Variants in BICC1 observed in about 807,000 individuals in gnomAD.
BICC1 encodes protein bicaudal C homolog 1.
A neutral mutation model predicts 111.0 loss-of-function variants in BICC1; 43 were observed. That is an observed-to-expected ratio of 0.39 (90% CI 0.30 to 0.50). BICC1 has a LOEUF of 0.50. BICC1 is among the 20% of genes least tolerant of loss of function. The pLI is 0.88. For missense variants in BICC1, 1,091 were observed against 1,203.2 expected, an observed-to-expected ratio of 0.91 and a Z score of 1.38; for synonymous variants, 467 against 434.4, an observed-to-expected ratio of 1.07 and a Z score of -0.93.
chr10:58,652,095 C>A (rs904698263), intron 2 of BICC1, among the ~76,000 whole-genome samples: 4 of 152,084 alleles, frequency 2.6e-5, no homozygotes, highest in African/African-American at 9.7e-5. Context: ...TACTGAGAAG[C>A]AAGAGACCTA....
chr10:58,774,389 A>G (rs1842696355), intron 3 of BICC1, among the ~76,000 whole-genome samples: 1 of 152,240 alleles, frequency 6.6e-6, no homozygotes, highest in Admixed American at 6.5e-5. Flanking sequence ...GTACTGGGGA[A>G]AACAGGAAGT....
At chr10:58,550,177 C>G (rs1035863552) in intron 1 of BICC1, among the ~76,000 whole-genome samples, 1 of 151,974 alleles carries the variant, frequency 6.6e-6, no homozygotes, top group African/African-American at 2.4e-5. Context: ...CCATACTCTA[C>G]TAATATTTTA....
At chr10:58,655,002 G>C (rs995719850) in intron 2 of BICC1, among the ~76,000 whole-genome samples, 1 of 145,156 alleles carries the variant, frequency 6.9e-6, no homozygotes, top group Non-Finnish European at 1.5e-5. Context: ...TAGATATGCG[G>C]CATTATTTCT....
chr10:58,755,106 T>C (rs1313051473), intron 3 of BICC1, among the ~76,000 whole-genome samples: 1 of 148,288 alleles, frequency 6.7e-6, no homozygotes, highest in Non-Finnish European at 1.5e-5. Context: ...CTGTGTCAGA[T>C]CACAGGATTT....
chr10:58,715,029 C>G (rs1840694129), intron 3 of BICC1, among the ~76,000 whole-genome samples: 2 of 151,414 alleles, frequency 1.3e-5, no homozygotes, highest in African/African-American at 2.4e-5. Flanking sequence ...GATCTAACCA[C>G]TGCACTGCAG....
intron 3 of BICC1, among the ~76,000 whole-genome samples, chr10:58,721,100 G>A (rs192276511): frequency 1.4e-4 from 21 of 152,310 alleles, no homozygotes; most frequent in Admixed American, 5.2e-4. Context: ...ACTCAGTGAA[G>A]GGCTGGAGTC....
intron 2 of BICC1, among the ~76,000 whole-genome samples, chr10:58,694,565 C>T (rs144605314): frequency 6.6e-6 from 1 of 152,168 alleles, no homozygotes; most frequent in Non-Finnish European, 1.5e-5. Context: ...CTTTGTAAAG[C>T]GTGGACTATC....
At chr10:58,791,347 A>G (rs1843170526) in intron 8 of BICC1, among the ~76,000 whole-genome samples, 1 of 152,200 alleles carries the variant, frequency 6.6e-6, no homozygotes, top group African/African-American at 2.4e-5. Flanking sequence ...AATGACTCAT[A>G]TTATTGCACA....
At chr10:58,629,880 G>T (rs961221201) in intron 2 of BICC1, among the ~76,000 whole-genome samples, 2 of 152,072 alleles carry the variant, frequency 1.3e-5, no homozygotes, top group Non-Finnish European at 2.9e-5. Flanking sequence ...TAACCTTTAG[G>T]CACTGTTATT....
intron 1 of BICC1, among the ~76,000 whole-genome samples, chr10:58,586,732 C>T (rs930041151): frequency 6.6e-6 from 1 of 151,956 alleles, no homozygotes; most frequent in Non-Finnish European, 1.5e-5. Flanking sequence ...CATATACATG[C>T]AAATGAATAT....
At chr10:58,749,734 A>T (rs571447474) in intron 3 of BICC1, among the ~76,000 whole-genome samples, 83 of 152,296 alleles carry the variant, frequency 5.4e-4, no homozygotes, top group Middle Eastern at 6.8e-3. Flanking sequence ...CCCTTAGTTG[A>T]ATAAATCAAG....
At chr10:58,791,464 G>A (rs574612586) in intron 8 of BICC1, among the ~76,000 whole-genome samples, 16 of 152,224 alleles carry the variant, frequency 1.1e-4, no homozygotes, top group Middle Eastern at 3.4e-3. Context: ...CTGGCTGGGC[G>A]CGGTGGCTTA....
chr10:58,581,835 T>TA (rs951015110), intron 1 of BICC1, among the ~76,000 whole-genome samples: 1 of 151,968 alleles, frequency 6.6e-6, no homozygotes, highest in Non-Finnish European at 1.5e-5. Flanking sequence ...TTCAGAAGAT[T>TA]AAAAAAAATA....
intron 1 of BICC1, among the ~76,000 whole-genome samples, chr10:58,612,310 A>G (rs560456550): frequency 1.4e-4 from 22 of 152,328 alleles, no homozygotes; most frequent in African/African-American, 5.1e-4. Flanking sequence ...CTGGGAATGT[A>G]TAGAAACTGC....
intron 1 of BICC1, among the ~76,000 whole-genome samples, chr10:58,584,167 A>G (rs1844367596): frequency 6.6e-6 from 1 of 152,072 alleles, no homozygotes; most frequent in South Asian, 2.1e-4. Context: ...AGAATGTAGC[A>G]TATTTCTTAA....
chr10:58,800,091 T>C (rs1843492042), intron 12 of BICC1, 103 bp from the exon 13 acceptor site: 3 of 778,748 alleles, frequency 3.9e-6, no homozygotes, highest in Non-Finnish European at 6.1e-6. Flanking sequence ...TATTCCAGGG[T>C]GGTTTTCTTT....
At chr10:58,791,302 T>C (rs1408230235) in intron 8 of BICC1, among the ~76,000 whole-genome samples, 1 of 152,242 alleles carries the variant, frequency 6.6e-6, no homozygotes, top group Non-Finnish European at 1.5e-5. Context: ...CAGTTATTAA[T>C]GCACATTTAT....
intron 2 of BICC1, among the ~76,000 whole-genome samples, chr10:58,621,967 A>AAC (rs1845831514): frequency 6.4e-5 from 5 of 77,806 alleles, no homozygotes; most frequent in Admixed American, 2.8e-4. Flanking sequence ...AATAGAATAG[A>AAC]ATAATCCAGC....
intron 3 of BICC1, among the ~76,000 whole-genome samples, chr10:58,746,313 C>T (rs1841836637): frequency 6.6e-6 from 1 of 152,076 alleles, no homozygotes; most frequent in South Asian, 2.1e-4. Flanking sequence ...TGTGAAGTGC[C>T]TCAGCATTTA....
Sources: gnomAD v4.1 joint callset for allele counts (sites outside exome capture counted in the v4.1 genomes callset) on GRCh38, gnomAD v4.1.1 for gene constraint, MANE v1.5 for transcripts, NCBI Gene and HGNC (gene_info 2026-07-23, HGNC 2026-07-21) for gene names.